Variants in IRF2 observed in about 807,000 individuals in gnomAD.
IRF2 encodes interferon regulatory factor 2.
A neutral mutation model predicts 40.6 loss-of-function variants in IRF2; 15 were observed. That is an observed-to-expected ratio of 0.37 (90% confidence interval 0.25 to 0.57). The LOEUF (loss-of-function observed/expected upper bound fraction) is 0.57, where lower values mean the gene tolerates loss of function less well. Ranked by LOEUF, IRF2 falls within the 20% of genes least tolerant of loss-of-function variation. The pLI, the probability that IRF2 is intolerant of heterozygous loss-of-function variation, is 0.77. For missense variants in IRF2, 317 were observed against 455.7 expected (o/e 0.70, Z 2.77); for synonymous variants, 151 against 165.5 (o/e 0.91, Z 0.67).
At chr4:184,460,614 T>C (rs1049295424) in intron 1 of IRF2, among the ~76,000 whole-genome samples, 1 of 151,812 alleles carries the variant, frequency 6.6e-6, no homozygotes, top group Non-Finnish European at 1.5e-5. Flanking sequence ...GTATTCACTA[T>C]AGCCAAACAC....
chr4:184,428,506 A>G (rs1737750827), intron 2 of IRF2, among the ~76,000 whole-genome samples: 1 of 152,182 alleles, frequency 6.6e-6, no homozygotes, highest in African/African-American at 2.4e-5. Flanking sequence ...CAGGATACAA[A>G]TCCTTTTGTG....
chr4:184,390,137 C>A (rs1736202638), intron 8 of IRF2, among the ~76,000 whole-genome samples: 1 of 152,198 alleles, frequency 6.6e-6, no homozygotes, highest in Non-Finnish European at 1.5e-5. Flanking sequence ...GCGCAGACCC[C>A]CAGCAGGTGG....
intron 2 of IRF2, among the ~76,000 whole-genome samples, chr4:184,420,242 T>C (rs1737434027): frequency 6.6e-6 from 1 of 152,220 alleles, no homozygotes; most frequent in Non-Finnish European, 1.5e-5. Context: ...TCTTATAATT[T>C]ATTCTCGTCG....
chr4:184,419,695 G>T, intron 2 of IRF2, 127 bp from the exon 3 acceptor site: 1 of 658,012 alleles, frequency 1.5e-6, no homozygotes, highest in Non-Finnish European at 2.6e-6. Flanking sequence ...GTTGACTGCT[G>T]ACAAGAAAAT....
At chr4:184,402,015 T>C (rs551646861) in intron 6 of IRF2, among the ~76,000 whole-genome samples, 19 of 152,300 alleles carry the variant, frequency 1.2e-4, no homozygotes, top group Middle Eastern at 3.4e-3. Flanking sequence ...GTTATTCAAC[T>C]AACAGAGATT....
intron 6 of IRF2, among the ~76,000 whole-genome samples, chr4:184,407,591 A>G (rs1440761600): frequency 6.6e-6 from 1 of 152,174 alleles, no homozygotes; most frequent in African/African-American, 2.4e-5. Context: ...ACATGGTAAC[A>G]CTGCAGTTAT....
At chr4:184,473,598 G>A (rs1369007252) in intron 1 of IRF2, among the ~76,000 whole-genome samples, 1 of 147,682 alleles carries the variant, frequency 6.8e-6, no homozygotes, top group African/African-American at 2.4e-5. Flanking sequence ...CCAGCCCCCA[G>A]GAAGCAGGGC....
rs1421302798 is a variant in IRF2, at chr4:184,413,054, G to A, written c.412-4779C>T. 3.3e-5 allele frequency among the ~76,000 whole-genome samples: 5 copies of A among 152,150 alleles called. No individual in the cohort carries two copies. The highest frequency in any genetic ancestry group is 6.5e-5 in the Admixed American group (1 of 15,268). ...GCATTCCCAACACTCGCTTCTGAAG[G>A]TGCAAAACGCCGGGGCCTCCTCTTT... On this transcript the variant is annotated intron_variant, in intron 5 of 8. Coordinates refer to ENST00000393593, the MANE Select transcript of IRF2 (RefSeq NM_002199.4). This position sits in a 1 kb window ranked among gnomAD's most constrained non-coding sequence, Gnocchi z 4.2.
chr4:184,440,189 C>A (rs1014945565), intron 1 of IRF2, among the ~76,000 whole-genome samples: 2 of 152,204 alleles, frequency 1.3e-5, no homozygotes, highest in African/African-American at 4.8e-5. Context: ...TGTCAGCCAC[C>A]AAGGGGTGCA....
At chr4:184,410,274 C>T (rs1338446546) in intron 5 of IRF2, among the ~76,000 whole-genome samples, 3 of 152,240 alleles carry the variant, frequency 2.0e-5, no homozygotes, top group Non-Finnish European at 4.4e-5. Context: ...GGACCCACGT[C>T]ATAGGGATAA....
At chr4:184,405,523 G>T (rs901456005) in intron 6 of IRF2, among the ~76,000 whole-genome samples, 2 of 152,188 alleles carry the variant, frequency 1.3e-5, no homozygotes, top group African/African-American at 4.8e-5. Context: ...GAAAGCAGTG[G>T]GCAGGGCCTA....
intron 6 of IRF2, among the ~76,000 whole-genome samples, chr4:184,405,988 T>A (rs1307326935): frequency 6.6e-6 from 1 of 152,046 alleles, no homozygotes; most frequent in African/African-American, 2.4e-5. Context: ...GAATAAAGTA[T>A]GTTGTTGTGG....
chr4:184,419,785 G>A (rs915268798), intron 2 of IRF2, among the ~76,000 whole-genome samples: 1 of 152,184 alleles, frequency 6.6e-6, no homozygotes, highest in Non-Finnish European at 1.5e-5. Flanking sequence ...GTCTCGTGAA[G>A]TCTTGCAGAG....
At chr4:184,392,374 GA>G (rs1736288824) in intron 7 of IRF2, among the ~76,000 whole-genome samples, 1 of 152,212 alleles carries the variant, frequency 6.6e-6, no homozygotes, top group South Asian at 2.1e-4. Flanking sequence ...CACAACACAA[GA>G]AAATCCAAAA....
intron 2 of IRF2, among the ~76,000 whole-genome samples, chr4:184,423,060 AAAGGT>A (rs1737538991): frequency 6.6e-6 from 1 of 152,244 alleles, no homozygotes; most frequent in Non-Finnish European, 1.5e-5. Flanking sequence ...GACCATATGA[AAAGGT>A]AAGAGAAAGC....
intron 5 of IRF2, among the ~76,000 whole-genome samples, chr4:184,409,769 C>T (rs1737004577): frequency 6.6e-6 from 1 of 152,070 alleles, no homozygotes; most frequent in Non-Finnish European, 1.5e-5. Context: ...TGGTGCACGC[C>T]TCTTGTCCTG....
chr4:184,460,316 G>A (rs1739088285), intron 1 of IRF2, among the ~76,000 whole-genome samples: 1 of 152,190 alleles, frequency 6.6e-6, no homozygotes, highest in African/African-American at 2.4e-5. Flanking sequence ...TGGCTGCCAG[G>A]GGCTGCGGGA....
chr4:184,436,027 A>T (rs577947969), intron 1 of IRF2, among the ~76,000 whole-genome samples: 1 of 145,340 alleles, frequency 6.9e-6, no homozygotes, highest in Non-Finnish European at 1.5e-5. Context: ...GTTGGGCTGG[A>T]GTGCAGTGGC....
At chr4:184,432,722 C>T (rs575563887) in intron 1 of IRF2, among the ~76,000 whole-genome samples, 4 of 152,230 alleles carry the variant, frequency 2.6e-5, no homozygotes, top group African/African-American at 9.6e-5. Flanking sequence ...AGAAGAATGC[C>T]GCGTGAAGAC....
Sources: gnomAD v4.1 joint callset for allele counts (sites outside exome capture counted in the v4.1 genomes callset) on GRCh38, gnomAD v4.1.1 for gene constraint, Gnocchi (gnomAD v3.1) non-coding constraint, MANE v1.5 for transcripts, NCBI Gene and HGNC (gene_info 2026-07-23, HGNC 2026-07-21) for gene names.